LMNTD1: variants seen among roughly 807,000 people sequenced by gnomAD.
LMNTD1 encodes lamin tail domain containing 1.
Under a neutral mutation model 50.9 loss-of-function variants are expected in LMNTD1, and 35 were observed. The ratio of observed to expected loss-of-function variants is 0.69; its 90% CI spans 0.53 to 0.91. The LOEUF (loss-of-function observed/expected upper bound fraction) is 0.91, where lower values mean the gene tolerates loss of function less well. LMNTD1 is among the 40% of genes least tolerant of loss of function. The pLI is 0.00. For synonymous variants in LMNTD1, 153 were observed against 161.9 expected (o/e 0.94, Z 0.42); for missense variants, 470 against 475.5 (o/e 0.99, Z 0.11).
rs114663947 is a variant in LMNTD1, at chr12:25,621,237, G to T, written c.58+27257C>A. ...AGGGGTAACTTTTTTTATTTAGAGAGAAAGAGAGACAGGGTCACACTCTGT... is the reference window on the plus strand; with the variant it reads ...AGGGGTAACTTTTTTTATTTAGAGATAAAGAGAGACAGGGTCACACTCTGT... On this transcript the variant is annotated intron_variant, in intron 1 of 7. Transcript: ENST00000445693. Among the ~76,000 whole-genome samples, 413 of 152,130 alleles carry T rather than the reference G, an allele frequency of 2.7e-3. 1 individual carries two copies. Among genetic ancestry groups the T allele is most frequent in the African/African-American group, 9.4e-3 (389 of 41,522 alleles).
intron 9 of LMNTD1, chr12:25,500,097 T>G (rs770675800): frequency 1.3e-5 from 2 of 152,146 alleles, no homozygotes; most frequent in African/African-American, 4.8e-5. Context: ...TTCAACTGAC[T>G]GAAAAATTTT....
In LMNTD1 at chr12:25,570,986, C is replaced by T. The variant is rs569320422; in HGVS notation, c.59-24432G>A. 1.1e-3 allele frequency among the ~76,000 whole-genome samples: 174 copies of T among 152,288 alleles called. No homozygotes were observed. In the Middle Eastern group the frequency reaches 0.024, roughly 21 times the overall value. On this transcript the variant is annotated intron_variant, in intron 1 of 7. Coordinates refer to the LMNTD1 transcript ENST00000445693. ...TTAACAAATCATGTTTAAAAGTACA[C>T]CCAGGGCCCACTTTATGGGCCTGTG...
intron 4 of LMNTD1, among the ~76,000 whole-genome samples, chr12:25,537,865 G>A (rs974667758): frequency 5.4e-5 from 8 of 149,142 alleles, no homozygotes; most frequent in Non-Finnish European, 1.2e-4. Context: ...AACCAATACA[G>A]AGAAGTGCTT....
At position 25,586,672 on chromosome 12, in the gene LMNTD1, C is replaced by T. The variant is rs555598776; in HGVS notation, c.59-40118G>A. ...TCCTTGCTTAAGCTTGCTGCATGGA[C>T]TGTGGATGCCCTCCTAGACATTAGA... is the stretch of plus-strand genomic sequence containing the variant. On this transcript the variant is annotated intron_variant, in intron 1 of 7. Transcript: ENST00000445693. Among the ~76,000 whole-genome samples, 5 of 152,244 alleles carry T rather than the reference C, an allele frequency of 3.3e-5. No homozygotes were observed. The East Asian group carries it at 7.7e-4, about 24-fold the overall frequency.
chr12:25,520,111 AT>A, intron 6 of LMNTD1, 36 bp from the exon 7 acceptor site: 1 of 1,260,062 alleles, frequency 7.9e-7, no homozygotes, highest in Non-Finnish European at 1.1e-6. Context: ...GGCTATGTAT[AT>A]TTGAGGTTTA....
intron 8 of LMNTD1, among the ~76,000 whole-genome samples, chr12:25,515,710 A>G (rs145371876): frequency 1.3e-5 from 2 of 152,242 alleles, no homozygotes; most frequent in African/African-American, 4.8e-5. Flanking sequence ...TGAGTTGGAA[A>G]TACAGTGTGT....
At chr12:25,536,875 G>GTGCGC (rs1408621856) in intron 4 of LMNTD1, among the ~76,000 whole-genome samples, 1 of 132,716 alleles carries the variant, frequency 7.5e-6, no homozygotes, top group Non-Finnish European at 1.7e-5. Flanking sequence ...TGCACGCACC[G>GTGCGC]TGCGCGAGCC....
At chr12:25,606,275 G>T (rs1280658126) in intron 1 of LMNTD1, among the ~76,000 whole-genome samples, 3 of 152,200 alleles carry the variant, frequency 2.0e-5, no homozygotes, top group African/African-American at 7.2e-5. Flanking sequence ...CATGTCATCT[G>T]CAAACAGGGA....
At chr12:25,609,287 A>T (rs1253958085) in intron 1 of LMNTD1, among the ~76,000 whole-genome samples, 1 of 151,942 alleles carries the variant, frequency 6.6e-6, no homozygotes, top group East Asian at 1.9e-4. Context: ...TAGCTAGGAG[A>T]AGTTTGTTAA....
chr12:25,512,808 C>T (rs900935200), intron 8 of LMNTD1, among the ~76,000 whole-genome samples: 9 of 151,698 alleles, frequency 5.9e-5, no homozygotes, highest in African/African-American at 2.2e-4. Flanking sequence ...AGGGTAATCC[C>T]TCTTGGGGCC....
At chr12:25,568,568 ATG>A (rs1382911782) in intron 1 of LMNTD1, among the ~76,000 whole-genome samples, 1 of 152,214 alleles carries the variant, frequency 6.6e-6, no homozygotes, top group Non-Finnish European at 1.5e-5. Context: ...TCAGAGACTT[ATG>A]AGGCAGCTCT....
At chr12:25,608,032 T>C (rs1946153995) in intron 1 of LMNTD1, among the ~76,000 whole-genome samples, 1 of 152,294 alleles carries the variant, frequency 6.6e-6, no homozygotes, top group Admixed American at 6.5e-5. Flanking sequence ...ATTGGGTGCA[T>C]ATATATTTAG....
At chr12:25,489,635 G>A (rs1342727186) in intron 9 of LMNTD1, among the ~76,000 whole-genome samples, 2 of 151,926 alleles carry the variant, frequency 1.3e-5, no homozygotes, top group Admixed American at 6.6e-5. Flanking sequence ...TTCCTATTCG[G>A]CCATCTTGGC....
At chr12:25,569,331 GA>G (rs750667580) in intron 1 of LMNTD1, among the ~76,000 whole-genome samples, 1 of 152,226 alleles carries the variant, frequency 6.6e-6, no homozygotes, top group Non-Finnish European at 1.5e-5. Context: ...TTCCCTTTGG[GA>G]ATGGGAATGT....
At chr12:25,597,182 C>G (rs1653354036) in intron 1 of LMNTD1, among the ~76,000 whole-genome samples, 3 of 151,856 alleles carry the variant, frequency 2.0e-5, no homozygotes. Context: ...ATGCAGAAGT[C>G]AGTTCTTAGT....
intron 8 of LMNTD1, among the ~76,000 whole-genome samples, chr12:25,516,750 T>G (rs961745851): frequency 2.0e-5 from 3 of 151,684 alleles, no homozygotes; most frequent in African/African-American, 7.3e-5. Flanking sequence ...CAAAAGAAAC[T>G]ACCATCAGAG....
chr12:25,476,821 G>A (rs1938281427), intron 9 of LMNTD1, among the ~76,000 whole-genome samples: 1 of 152,052 alleles, frequency 6.6e-6, no homozygotes, highest in East Asian at 1.9e-4. Context: ...AAGCAGCCCT[G>A]GATAACTGAC....
At chr12:25,536,193 A>C (rs1942569704) in intron 4 of LMNTD1, among the ~76,000 whole-genome samples, 1 of 152,184 alleles carries the variant, frequency 6.6e-6, no homozygotes, top group Non-Finnish European at 1.5e-5. Context: ...AAAAATCAGC[A>C]AAAAGACAGT....
intron 3 of LMNTD1, among the ~76,000 whole-genome samples, chr12:25,548,548 C>T (rs1013787178): frequency 1.3e-5 from 2 of 151,776 alleles, no homozygotes; most frequent in Non-Finnish European, 2.9e-5. Flanking sequence ...TTAGGATAGC[C>T]CTGTGACATT....
Sources: allele counts gnomAD v4.1 joint callset (sites outside exome capture counted in the v4.1 genomes callset), GRCh38; gene constraint gnomAD v4.1.1; transcripts MANE v1.5; gene names NCBI Gene and HGNC (gene_info 2026-07-23, HGNC 2026-07-21).